The following ERAP1 variants were observed in gnomAD, a reference collection of about 807,000 sequenced individuals.
ERAP1 encodes the protein adipocyte-derived leucine aminopeptidase.
In ERAP1, 86 loss-of-function variants were observed where a neutral mutation model predicts 103.7. The observed-to-expected ratio is 0.83, with a 90% confidence interval of 0.70 to 0.99. The LOEUF (loss-of-function observed/expected upper bound fraction) is 0.99. Among genes scored for constraint, ERAP1 ranks in the 50% least tolerant of loss-of-function variants. ERAP1 has a pLI of 0.00. For synonymous variants in ERAP1, 398 were observed against 402.4 expected (o/e 0.99, Z 0.13); for missense variants, 1,009 against 1,128.4 (o/e 0.89, Z 1.52).
exon 20 of ERAP1, chr5:96,760,992 TAAG>T (rs2150668687): frequency 6.6e-6 from 1 of 152,148 alleles, no homozygotes; most frequent in African/African-American, 2.4e-5. Context: ...ACAGTAATAA[TAAG>T]TGGAAAATAC....
the ERAP1 span, among the ~76,000 whole-genome samples, chr5:96,841,604 A>C: frequency 6.6e-6 from 1 of 152,212 alleles, no homozygotes; most frequent in East Asian, 1.9e-4. Flanking sequence ...GGGAAATTTC[A>C]GGCAACCTAG....
chr5:96,854,475 C>T, the ERAP1 span, among the ~76,000 whole-genome samples: 1 of 152,090 alleles, frequency 6.6e-6, no homozygotes, highest in Non-Finnish European at 1.5e-5. Context: ...CCTCTGAGCA[C>T]TCTTAATTTT....
the ERAP1 span, among the ~76,000 whole-genome samples, chr5:96,833,659 A>T: frequency 6.6e-6 from 1 of 152,084 alleles, no homozygotes; most frequent in Non-Finnish European, 1.5e-5. Context: ...TTAGCCGAGC[A>T]TGGTGGTGCG....
the ERAP1 span, among the ~76,000 whole-genome samples, chr5:96,933,361 T>C: frequency 1.1e-3 from 167 of 152,034 alleles, no homozygotes; most frequent in African/African-American, 3.7e-3. Flanking sequence ...CCCTCCGGAA[T>C]AGCTGGGATT....
chr5:96,789,410 C>T (rs1040912876), intron 10 of ERAP1, among the ~76,000 whole-genome samples: 2 of 151,814 alleles, frequency 1.3e-5, no homozygotes, highest in South Asian at 2.1e-4. Flanking sequence ...TCGCTGGAAC[C>T]GGGGAGGCAG....
At chr5:96,886,522 T>C in the ERAP1 span, 4 of 581,524 alleles carry the variant, frequency 6.9e-6, no homozygotes, top group African/African-American at 5.7e-5. Flanking sequence ...GGAGAGGCCA[T>C]TGCCCCCCTA....
At chr5:96,899,892 T>A in the ERAP1 span, among the ~76,000 whole-genome samples, 2 of 152,238 alleles carry the variant, frequency 1.3e-5, no homozygotes, top group South Asian at 4.1e-4. Context: ...TTGAACTTTT[T>A]AAGGAAACTT....
At position 96,801,026 on chromosome 5, in the gene ERAP1, A is replaced by G. The variant is rs574703107; in HGVS notation, c.525-26T>C. The G allele has an allele frequency of 3.2e-5, 52 of 1,613,062 alleles. No individual in the cohort carries two copies. The East Asian group carries it at 1.0e-3, about 32-fold the overall frequency. ...CTAAAATTAAGGCAAGTGAAATAAA[A>G]ATTGAGCATGAAGCACCAGGAACTC... On this transcript the variant is annotated intron_variant, in intron 2 of 18. Coordinates refer to ENST00000443439, the MANE Select transcript of ERAP1 (RefSeq NM_001040458.3).
intron 8 of ERAP1, among the ~76,000 whole-genome samples, chr5:96,791,857 T>C (rs989437096): frequency 2.4e-4 from 36 of 152,170 alleles, no homozygotes; most frequent in African/African-American, 6.8e-4. Context: ...AGAAAGAATA[T>C]ATGAAGAATT....
chr5:96,769,070 A>G (rs1426264612), intron 19 of ERAP1: 2 of 152,232 alleles, frequency 1.3e-5, no homozygotes, highest in Non-Finnish European at 2.9e-5. Context: ...CCCTCAAGCT[A>G]CACCCTCTTG....
chr5:96,780,612 G>T, intron 17 of ERAP1, 108 bp from the exon 18 acceptor site: 1 of 857,580 alleles, frequency 1.2e-6, no homozygotes, highest in Non-Finnish European at 1.9e-6. Context: ...TGATCGGTGT[G>T]AAAAATACAA....
chr5:96,918,488 C>T, the ERAP1 span: 10 of 152,188 alleles, frequency 6.6e-5, no homozygotes, highest in Admixed American at 6.5e-4. Context: ...TTAAGCCTTA[C>T]ATTCATGAAG....
At chr5:96,825,924 C>T in the ERAP1 span, among the ~76,000 whole-genome samples, 1 of 152,150 alleles carries the variant, frequency 6.6e-6, no homozygotes, top group Non-Finnish European at 1.5e-5. Flanking sequence ...ATCTGGTCCT[C>T]TAGATGAATT....
intron 19 of ERAP1, chr5:96,768,545 C>T: frequency 2.8e-6 from 1 of 361,512 alleles, no homozygotes; most frequent in Non-Finnish European, 5.3e-6. Context: ...TACTTACAGT[C>T]CACTTATAAA....
At chr5:96,856,365 T>TAG in the ERAP1 span, among the ~76,000 whole-genome samples, 70 of 20,366 alleles carry the variant, frequency 3.4e-3, 2 homozygotes, top group African/African-American at 9.7e-3. Flanking sequence ...TATATATATA[T>TAG]AGAGAGAGAG....
chr5:96,822,181 C>A, the ERAP1 span, among the ~76,000 whole-genome samples: 119 of 152,324 alleles, frequency 7.8e-4, no homozygotes, highest in African/African-American at 2.7e-3. Context: ...TATCTTGCTT[C>A]TAATCAGGCT....
At chr5:96,809,561 A>G (rs950150012), upstream of ERAP1, among the ~76,000 whole-genome samples, 1 of 151,886 alleles carries the variant, frequency 6.6e-6, no homozygotes, top group Non-Finnish European at 1.5e-5. Flanking sequence ...ACTGCCTATT[A>G]TCTCTAGTCA....
chr5:96,935,633 C>T, the ERAP1 span: 1 of 154,100 alleles, frequency 6.5e-6, no homozygotes, highest in African/African-American at 2.4e-5. Flanking sequence ...CATCACATCA[C>T]CCCGATTTAA....
the ERAP1 span, among the ~76,000 whole-genome samples, chr5:96,826,767 T>C: frequency 6.6e-6 from 1 of 152,228 alleles, no homozygotes. Context: ...TTGAACGTTA[T>C]GGTTTTTCTT....
Sources: allele counts gnomAD v4.1 joint callset (sites outside exome capture counted in the v4.1 genomes callset), GRCh38; gene constraint gnomAD v4.1.1; transcripts MANE v1.5; gene names NCBI Gene and HGNC (gene_info 2026-07-23, HGNC 2026-07-21).